The following HIVEP3 variants were observed in gnomAD, a reference collection of about 807,000 sequenced individuals.
HIVEP3 encodes HIVEP zinc finger 3.
In HIVEP3, 49 loss-of-function variants were observed where a neutral mutation model predicts 152.8. The ratio of observed to expected loss-of-function variants is 0.32; its 90% CI spans 0.26 to 0.41. The LOEUF (loss-of-function observed/expected upper bound fraction) is 0.41. Among genes scored for constraint, HIVEP3 ranks in the 10% least tolerant of loss-of-function variants. The pLI, the probability that HIVEP3 is intolerant of heterozygous loss-of-function variation, is 1.00. For missense variants in HIVEP3, 2,790 were observed against 3,103.3 expected (o/e 0.90, Z 2.40); for synonymous variants, 1,269 against 1,289.0 (o/e 0.98, Z 0.33).
chr1:42,011,302 G>A (rs1645491124), intron 1 of HIVEP3, among the ~76,000 whole-genome samples: 1 of 152,138 alleles, frequency 6.6e-6, no homozygotes, highest in African/African-American at 2.4e-5. Flanking sequence ...AATGTGGAGG[G>A]CAAGGGATTA....
At chr1:41,974,300 C>T (rs538855054) in intron 1 of HIVEP3, among the ~76,000 whole-genome samples, 2 of 152,118 alleles carry the variant, frequency 1.3e-5, no homozygotes, top group Non-Finnish European at 2.9e-5. Flanking sequence ...GTTACTGCTA[C>T]CAGCTCTACT....
At chr1:41,820,131 C>G (rs761494308) in intron 1 of HIVEP3, among the ~76,000 whole-genome samples, 1 of 152,108 alleles carries the variant, frequency 6.6e-6, no homozygotes, top group Non-Finnish European at 1.5e-5. Context: ...TCCATATCCC[C>G]CATACATTTT....
chr1:42,014,484 T>C (rs1449535173), intron 1 of HIVEP3, among the ~76,000 whole-genome samples: 7 of 152,056 alleles, frequency 4.6e-5, no homozygotes, highest in Non-Finnish European at 8.8e-5. Context: ...TCTGAAATGA[T>C]GGCGGGACAA....
intron 1 of HIVEP3, among the ~76,000 whole-genome samples, chr1:41,883,995 C>T (rs1215547172): frequency 6.6e-6 from 1 of 152,202 alleles, no homozygotes; most frequent in Non-Finnish European, 1.5e-5. Context: ...TGGAGTCTCA[C>T]TCTGTCACCC....
intron 5 of HIVEP3, among the ~76,000 whole-genome samples, chr1:41,540,529 TAG>T (rs1395584549): frequency 6.6e-6 from 1 of 152,114 alleles, no homozygotes; most frequent in African/African-American, 2.4e-5. Context: ...AGGAGACGGA[TAG>T]AGAAGGCATT....
chr1:41,623,672 C>T (rs1292705235), intron 3 of HIVEP3, among the ~76,000 whole-genome samples: 1 of 152,182 alleles, frequency 6.6e-6, no homozygotes, highest in Non-Finnish European at 1.5e-5. Flanking sequence ...TGGGCTTTGC[C>T]TCAAATGCCT....
chr1:41,756,427 G>C (rs1055853640), intron 1 of HIVEP3, among the ~76,000 whole-genome samples: 1 of 152,164 alleles, frequency 6.6e-6, no homozygotes, highest in Non-Finnish European at 1.5e-5. Flanking sequence ...CTACAATACA[G>C]TATCAAAACC....
intron 1 of HIVEP3, among the ~76,000 whole-genome samples, chr1:41,774,507 T>A (rs897945927): frequency 6.6e-6 from 1 of 152,218 alleles, no homozygotes; most frequent in Non-Finnish European, 1.5e-5. Flanking sequence ...ATATTTCGAT[T>A]TTCCAGAAAT....
intron 1 of HIVEP3, among the ~76,000 whole-genome samples, chr1:41,955,350 T>C (rs1165467070): frequency 6.6e-6 from 1 of 152,182 alleles, no homozygotes; most frequent in Non-Finnish European, 1.5e-5. Flanking sequence ...CCTCCTATGT[T>C]CTTTCAGAGG....
In HIVEP3 at chr1:41,998,887, CTCTTTTTTTTT is replaced by C. The variant is rs1321731753; in HGVS notation, n.119+36909_119+36919del. Among the ~76,000 whole-genome samples the C allele has an allele frequency of 1.8e-4, 14 of 77,316 alleles. 1 individual carries two copies. In the South Asian group the frequency reaches 6.5e-3, roughly 36 times the overall value. 50.7% of individuals were successfully genotyped at this position (77,316 alleles called of 152,430 possible). On this transcript the variant is annotated intron_variant and non_coding_transcript_variant, in intron 1 of 3. Coordinates refer to the HIVEP3 transcript ENST00000489103. ...GCTGGTTTTTAATACTTTTCTCTCT[CTCTTTTTTTTT>C]TTTTTTTTTTTTTTTTGAGACGGAG...
In HIVEP3 at chr1:41,581,086, A is replaced by T; in HGVS notation, c.3712T>A (p.Phe1238Ile). The T allele has an allele frequency of 6.4e-7, 1 of 1,558,742 alleles. No homozygotes were observed. Among genetic ancestry groups the T allele is most frequent in the Non-Finnish European group, 8.7e-7 (1 of 1,151,460 alleles). ...AACTGGGATTGCAGAGGCAGGAAAAACCCAGAAGACAGTGCTGAGGAGGTC... is the reference window on the plus strand; with the variant it reads ...AACTGGGATTGCAGAGGCAGGAAAATCCCAGAAGACAGTGCTGAGGAGGTC... The part of the protein sequence containing the change: ...YPTSSALSSG[F>I]FLPLQSQFAL... The change falls in exon 4 of 9, where the codon TTT (phenylalanine) becomes ATT (isoleucine). Residue 1238 changes from phenylalanine to isoleucine, a missense_variant. Physicochemically the swap from Phe to Ile is conservative, Grantham distance 21. Transcript: ENST00000372583. The surrounding 1 kb of genome is among the most constrained non-coding windows in gnomAD (Gnocchi z 4.5).
At chr1:41,649,387 C>T (rs1473192431) in intron 2 of HIVEP3, among the ~76,000 whole-genome samples, 1 of 152,234 alleles carries the variant, frequency 6.6e-6, no homozygotes, top group Admixed American at 6.5e-5. Flanking sequence ...CCCCAATCCC[C>T]TCATTCCCCA....
At position 41,533,942 on chromosome 1, in the gene HIVEP3, T is replaced by A. The variant is rs368378901; in HGVS notation, c.5208-9032A>T. On this transcript the variant is annotated intron_variant, in intron 5 of 8. Transcript: ENST00000372583. This position sits in a 1 kb window ranked among gnomAD's most constrained non-coding sequence, Gnocchi z 4.3. Reference sequence around the variant, plus strand: ...TGCAGTGTCTGCTCCTGGGTCCCCGTTCTCTCTCAGCAAGCAGCACCTGCA... The same window carrying A: ...TGCAGTGTCTGCTCCTGGGTCCCCGATCTCTCTCAGCAAGCAGCACCTGCA... Among the ~76,000 whole-genome samples, 5 of 50 alleles carry A rather than the reference T, an allele frequency of 0.1. No individual in the cohort carries two copies. Among genetic ancestry groups the A allele is most frequent in the South Asian group, 0.5 (2 of 4 alleles). The allele number at this position is 50 out of a possible 152,430, so 0.0% of individuals were successfully genotyped here.
intron 2 of HIVEP3, among the ~76,000 whole-genome samples, chr1:41,631,912 G>A (rs994682292): frequency 1.6e-4 from 24 of 152,082 alleles, no homozygotes; most frequent in Non-Finnish European, 3.2e-4. Flanking sequence ...TCCTACCTCT[G>A]AGCCTTGGCT....
chr1:41,638,019 C>T (rs980322509), intron 2 of HIVEP3, among the ~76,000 whole-genome samples: 28 of 152,034 alleles, frequency 1.8e-4, no homozygotes, highest in Non-Finnish European at 3.1e-4. Flanking sequence ...CACATGGACA[C>T]GAAGTGTGGA....
At chr1:41,617,741 C>A (rs1644989550) in intron 3 of HIVEP3, among the ~76,000 whole-genome samples, 1 of 152,260 alleles carries the variant, frequency 6.6e-6, no homozygotes, top group South Asian at 2.1e-4. Context: ...AAATCACACA[C>A]ATGCCTTCCT....
At chr1:41,929,822 G>T (rs1644987861) in intron 1 of HIVEP3, among the ~76,000 whole-genome samples, 1 of 147,454 alleles carries the variant, frequency 6.8e-6, no homozygotes, top group Non-Finnish European at 1.5e-5. Flanking sequence ...CCATCATTCT[G>T]CTTTGCTTAT....
intron 1 of HIVEP3, among the ~76,000 whole-genome samples, chr1:41,702,902 G>C (rs556700388): frequency 6.6e-6 from 1 of 152,294 alleles, no homozygotes; most frequent in East Asian, 1.9e-4. Context: ...GTCACCCATG[G>C]AGCCAGGCTG....
intron 1 of HIVEP3, among the ~76,000 whole-genome samples, chr1:41,993,894 G>T (rs1208671639): frequency 1.3e-5 from 2 of 151,336 alleles, no homozygotes; most frequent in South Asian, 4.2e-4. Flanking sequence ...ATAAACTATT[G>T]CAAGAACAAA....
Sources: allele counts gnomAD v4.1 joint callset (sites outside exome capture counted in the v4.1 genomes callset), GRCh38; gene constraint gnomAD v4.1.1; non-coding constraint Gnocchi (gnomAD v3.1); transcripts MANE v1.5; gene names NCBI Gene and HGNC (gene_info 2026-07-23, HGNC 2026-07-21).